The following PDE8B variants were observed in gnomAD, a reference collection of about 807,000 sequenced individuals.
PDE8B encodes the protein phosphodiesterase 8B, also known as high affinity cAMP-specific and IBMX-insensitive 3',5'-cyclic phosphodiesterase 8B.
PDE8B carries 26 observed loss-of-function variants against 101.3 expected under a neutral mutation model. That is an observed-to-expected ratio of 0.26 (90% CI 0.19 to 0.36). The LOEUF (loss-of-function observed/expected upper bound fraction) is 0.36. PDE8B is among the 10% of genes least tolerant of loss of function. The probability of loss-of-function intolerance (pLI) is 1.00; values close to 1 mark genes in which losing one functional copy is unlikely to be tolerated. For synonymous variants in PDE8B, 424 were observed against 429.3 expected, an observed-to-expected ratio of 0.99 and a Z score of 0.15; for missense variants, 810 against 1,163.1, an observed-to-expected ratio of 0.70 and a Z score of 4.42.
chr5:77,110,280 T>C, the PDE8B span, among the ~76,000 whole-genome samples: 1 of 152,056 alleles, frequency 6.6e-6, no homozygotes, highest in South Asian at 2.1e-4. Context: ...GCTTTTTTTT[T>C]CTCCAAACTT....
the PDE8B span, among the ~76,000 whole-genome samples, chr5:77,107,641 A>T: frequency 1.2e-4 from 18 of 152,128 alleles, no homozygotes; most frequent in African/African-American, 3.6e-4. Flanking sequence ...ATTAAGTATG[A>T]TAGTTAGCTA....
chr5:77,397,912 C>T (rs576015154), intron 10 of PDE8B, among the ~76,000 whole-genome samples: 1 of 152,156 alleles, frequency 6.6e-6, no homozygotes, highest in South Asian at 2.1e-4. Flanking sequence ...TACCCCACCC[C>T]CCGCCTCCCC....
rs542238619 is a variant in PDE8B, at chr5:77,324,402, C to T, written c.400-1137C>T. Among the ~76,000 whole-genome samples the T allele has an allele frequency of 7.9e-5, 12 of 152,134 alleles. No individual in the cohort carries two copies. In the East Asian group the frequency reaches 9.7e-4, roughly 12 times the overall value. ...AGGCCGAGCCCTCACTCTCCTGAAG[C>T]TTACTTCTCCAGTGAGGGAGATGGA... On this transcript the variant is annotated intron_variant, in intron 2 of 21. Transcript: ENST00000264917.
chr5:77,258,671 C>T (rs1490772000), intron 1 of PDE8B, among the ~76,000 whole-genome samples: 1 of 152,174 alleles, frequency 6.6e-6, no homozygotes, highest in Non-Finnish European at 1.5e-5. Context: ...TGAATTGTAT[C>T]TCAGGGATCT....
At chr5:77,296,348 A>G (rs558496415) in intron 1 of PDE8B, among the ~76,000 whole-genome samples, 1 of 151,930 alleles carries the variant, frequency 6.6e-6, no homozygotes, top group South Asian at 2.1e-4. Context: ...TGCAGCCTCA[A>G]CTTCCTGGGC....
In PDE8B at chr5:77,312,007, C is replaced by T. The variant is rs1162366295; in HGVS notation, c.353C>T (p.Ala118Val). 17 of 1,612,958 alleles carry T rather than the reference C, an allele frequency of 1.1e-5. No individual in the cohort carries two copies. The highest frequency in any genetic ancestry group is 4.5e-5 in the East Asian group (2 of 44,860). ...CYTSVKQVSS[A>V]EVRIGPMRLT... is the part of the protein sequence containing the mutation. ...TCCTTTATTTAGCAGGTGTCTTCTGCGGAGGTGCGCATCGGGCCCATGAGA... is the reference window on the plus strand; with the variant it reads ...TCCTTTATTTAGCAGGTGTCTTCTGTGGAGGTGCGCATCGGGCCCATGAGA... The change falls in exon 2 of 22, where the codon GCG becomes GTG. Residue 118 changes from alanine to valine, a missense_variant. This residue lies in a region of PDE8B where 251 missense variants were observed against 378.8 expected (regional missense o/e 0.66). Transcript: ENST00000264917.
the PDE8B span, among the ~76,000 whole-genome samples, chr5:77,130,366 C>T: frequency 1.3e-5 from 2 of 152,056 alleles, no homozygotes; most frequent in African/African-American, 2.4e-5. Context: ...CTCATAAAGA[C>T]GTTAGTTCTC....
chr5:77,175,745 A>G, the PDE8B span, among the ~76,000 whole-genome samples: 2 of 152,230 alleles, frequency 1.3e-5, no homozygotes, highest in Non-Finnish European at 2.9e-5. Flanking sequence ...TAGTTGCTCA[A>G]AAATATTTGT....
chr5:77,375,193 C>T (rs769222564), intron 10 of PDE8B, among the ~76,000 whole-genome samples: 11 of 152,138 alleles, frequency 7.2e-5, no homozygotes, highest in African/African-American at 9.7e-5. Context: ...AGTTTTTGTG[C>T]GTCCTGCCCA....
chr5:77,278,595 G>A lies in PDE8B; in HGVS notation c.340-33399G>A, dbSNP rs974228866. 7.2e-5 allele frequency among the ~76,000 whole-genome samples: 11 copies of A among 151,998 alleles called. No homozygotes were observed. In the East Asian group the frequency reaches 7.8e-4, roughly 11 times the overall value. On this transcript the variant is annotated intron_variant, in intron 1 of 21. Coordinates refer to ENST00000264917, the MANE Select transcript of PDE8B (RefSeq NM_003719.5). ...TGCCATTCTCCTGTCTCAGCCTCCC[G>A]AGTAGCTGGGACTACAGGCACCTGC...
At chr5:77,131,788 G>A in the PDE8B span, among the ~76,000 whole-genome samples, 1 of 151,778 alleles carries the variant, frequency 6.6e-6, no homozygotes, top group East Asian at 1.9e-4. Flanking sequence ...GCTTTTTTTG[G>A]GTATAATTTA....
chr5:77,412,247 C>G lies in PDE8B; in HGVS notation c.1712+12C>G, dbSNP rs1794708311. ...ATTACGCATAAAAGGTATGTGACTT[C>G]TCTGGCTGAAGGCAGAGCAGGATTG... is the stretch of plus-strand genomic sequence containing the variant. On this transcript the variant is annotated intron_variant, in intron 16 of 21. Transcript: ENST00000264917. 7 of 1,613,876 alleles carry G rather than the reference C, an allele frequency of 4.3e-6. No individual in the cohort carries two copies. Among genetic ancestry groups the G allele is most frequent in the Non-Finnish European group, 5.9e-6 (7 of 1,179,838 alleles).
chr5:77,251,178 T>C (rs890120053), intron 1 of PDE8B, among the ~76,000 whole-genome samples: 28 of 152,224 alleles, frequency 1.8e-4, no homozygotes, highest in African/African-American at 6.8e-4. Flanking sequence ...AAAATGGTAA[T>C]ACTGACCTTA....
intron 1 of PDE8B, among the ~76,000 whole-genome samples, chr5:77,240,911 A>C (rs1313355067): frequency 6.6e-6 from 1 of 152,238 alleles, no homozygotes; most frequent in Non-Finnish European, 1.5e-5. Context: ...GTTGCAACTA[A>C]GCAGCGTTTT....
At chr5:77,234,196 C>T (rs1183492993) in intron 1 of PDE8B, among the ~76,000 whole-genome samples, 1 of 152,144 alleles carries the variant, frequency 6.6e-6, no homozygotes, top group African/African-American at 2.4e-5. Flanking sequence ...CTTGACCGCA[C>T]CTCCTAATGA....
At chr5:77,290,844 C>G (rs1159908562) in intron 1 of PDE8B, 20 of 1,549,994 alleles carry the variant, frequency 1.3e-5, no homozygotes, top group Non-Finnish European at 1.8e-5. Context: ...GAAAGGAGCT[C>G]CAACCACTTC....
chr5:77,246,432 G>A (rs538484803), intron 1 of PDE8B, among the ~76,000 whole-genome samples: 3 of 152,268 alleles, frequency 2.0e-5, no homozygotes, highest in East Asian at 3.9e-4. Flanking sequence ...TGAAACTCCC[G>A]CCTGAGGTAC....
intron 1 of PDE8B, among the ~76,000 whole-genome samples, chr5:77,261,289 G>A (rs1760525614): frequency 6.6e-6 from 1 of 152,160 alleles, no homozygotes; most frequent in African/African-American, 2.4e-5. Context: ...CACAGAGACA[G>A]GAGAAGACAG....
chr5:77,423,195 T>G (rs1257992221), intron 20 of PDE8B, among the ~76,000 whole-genome samples: 1 of 152,222 alleles, frequency 6.6e-6, no homozygotes, highest in Admixed American at 6.5e-5. Context: ...ATGATTTCAT[T>G]CTTTTTTATG....
Sources: gnomAD v4.1 joint callset for allele counts (sites outside exome capture counted in the v4.1 genomes callset) on GRCh38, gnomAD v4.1.1 for gene constraint, gnomAD v4.1.1 regional missense constraint, MANE v1.5 for transcripts, NCBI Gene and HGNC (gene_info 2026-07-23, HGNC 2026-07-21) for gene names.